The following KIAA1217 variants were observed in gnomAD, a reference collection of about 807,000 sequenced individuals.
The protein encoded by KIAA1217 is sickle tail protein homolog.
In KIAA1217, 88 loss-of-function variants were observed where a neutral mutation model predicts 163.9. The observed-to-expected ratio is 0.54, with a 90% CI of 0.45 to 0.64. KIAA1217 has a LOEUF of 0.64. Ranked by LOEUF, KIAA1217 falls within the 30% of genes least tolerant of loss-of-function variation. KIAA1217 has a pLI of 0.00. For synonymous variants in KIAA1217, 903 were observed against 923.1 expected (o/e 0.98, Z 0.39); for missense variants, 2,372 against 2,475.0 (o/e 0.96, Z 0.88).
rs559873631 is a variant in KIAA1217, at chr10:23,725,451, C to T, written c.-321+30217C>T. On this transcript the variant is annotated intron_variant, in intron 1 of 18. Transcript: ENST00000376462. ...ACCTATGTCTTGAATTATACTTCCC[C>T]CATCCTTTACAGGCTGTGATGTGGG... Among the ~76,000 whole-genome samples, 251 of 152,268 alleles carry T rather than the reference C, an allele frequency of 1.6e-3. 2 individuals carry two copies. The highest frequency in any genetic ancestry group is 5.5e-3 in the African/African-American group (228 of 41,570).
At chr10:24,361,990 A>G (rs923576794) in intron 2 of KIAA1217, among the ~76,000 whole-genome samples, 10 of 150,772 alleles carry the variant, frequency 6.6e-5, no homozygotes, top group Non-Finnish European at 1.5e-4. Context: ...CTCAAAAAAA[A>G]AAAAAAAAAA....
intron 2 of KIAA1217, among the ~76,000 whole-genome samples, chr10:24,065,445 GA>G (rs1392794692): frequency 1.3e-5 from 2 of 152,094 alleles, no homozygotes; most frequent in African/African-American, 4.8e-5. Context: ...CCATGTAGTT[GA>G]GCGGTTTTGA....
chr10:23,915,543 T>C (rs1301784188), intron 1 of KIAA1217, among the ~76,000 whole-genome samples: 2 of 152,180 alleles, frequency 1.3e-5, no homozygotes, highest in African/African-American at 4.8e-5. Context: ...TTCCTTAATT[T>C]GGGCTGATAC....
chr10:23,784,677 T>C (rs906206450), intron 1 of KIAA1217, among the ~76,000 whole-genome samples: 5 of 152,222 alleles, frequency 3.3e-5, no homozygotes, highest in African/African-American at 1.2e-4. Flanking sequence ...CTTATAGTTA[T>C]AACTGTCTAT....
chr10:23,711,056 G>C (rs1837221275), intron 1 of KIAA1217, among the ~76,000 whole-genome samples: 1 of 152,134 alleles, frequency 6.6e-6, no homozygotes, highest in African/African-American at 2.4e-5. Context: ...ATCTAGATGT[G>C]AGCACCACAA....
chr10:24,178,844 G>A (rs2066034118), intron 2 of KIAA1217, among the ~76,000 whole-genome samples: 1 of 152,026 alleles, frequency 6.6e-6, no homozygotes, highest in African/African-American at 2.4e-5. Context: ...TTTTTTTAAT[G>A]TTTCAGGGAA....
At chr10:24,343,759 T>G (rs900745435) in intron 2 of KIAA1217, among the ~76,000 whole-genome samples, 1 of 152,246 alleles carries the variant, frequency 6.6e-6, no homozygotes, top group African/African-American at 2.4e-5. Flanking sequence ...CAGTTTATTT[T>G]GAGGCAAGGA....
At chr10:24,135,802 A>G (rs1297018446) in intron 2 of KIAA1217, among the ~76,000 whole-genome samples, 1 of 152,154 alleles carries the variant, frequency 6.6e-6, no homozygotes, top group Non-Finnish European at 1.5e-5. Context: ...TCCGTGTATC[A>G]AATAGGTTCT....
At chr10:23,964,686 G>T (rs1844980959) in intron 1 of KIAA1217, among the ~76,000 whole-genome samples, 1 of 152,056 alleles carries the variant, frequency 6.6e-6, no homozygotes, top group Admixed American at 6.5e-5. Flanking sequence ...CTCCCGAGTA[G>T]CTGGGGCTTC....
intron 1 of KIAA1217, among the ~76,000 whole-genome samples, chr10:23,971,171 C>T (rs957204411): frequency 9.9e-5 from 15 of 152,204 alleles, no homozygotes; most frequent in South Asian, 2.1e-4. Flanking sequence ...GGAGGGGCCG[C>T]GTGCACAGTG....
At chr10:24,153,751 G>A (rs2064735785) in intron 2 of KIAA1217, among the ~76,000 whole-genome samples, 1 of 152,092 alleles carries the variant, frequency 6.6e-6, no homozygotes, top group South Asian at 2.1e-4. Context: ...TGTCACTCCT[G>A]GGCCAGTGAC....
rs533099881 is a variant in KIAA1217, at chr10:23,790,229, A to G, written c.-321+94995A>G. The stretch of plus-strand genomic sequence containing the variant: ...TACACATATACACATATGCATATGC[A>G]CATATGCATATGCACATATGCATAT... On this transcript the variant is annotated intron_variant, in intron 1 of 18. Coordinates refer to the KIAA1217 transcript ENST00000376462. Among the ~76,000 whole-genome samples the G allele has an allele frequency of 3.9e-4, 44 of 113,230 alleles. 9 individuals are homozygous for G. Among genetic ancestry groups the G allele is most frequent in the Non-Finnish European group, 4.7e-4 (27 of 57,818 alleles). The allele number at this position is 113,230 out of a possible 152,430, so 74.3% of individuals were successfully genotyped here.
chr10:23,702,618 T>A (rs2130706987), intron 1 of KIAA1217, among the ~76,000 whole-genome samples: 1 of 151,274 alleles, frequency 6.6e-6, no homozygotes, highest in South Asian at 2.1e-4. Context: ...TTTTTGTAAG[T>A]AATCTCTTCC....
At chr10:23,881,512 A>G (rs1840947473) in intron 1 of KIAA1217, among the ~76,000 whole-genome samples, 1 of 151,960 alleles carries the variant, frequency 6.6e-6, no homozygotes, top group South Asian at 2.1e-4. Flanking sequence ...TTTGTAAATC[A>G]CTTTAATTGT....
intron 1 of KIAA1217, among the ~76,000 whole-genome samples, chr10:23,754,188 CATACATTGTT>C (rs1833799274): frequency 6.6e-6 from 1 of 152,206 alleles, no homozygotes; most frequent in Non-Finnish European, 1.5e-5. Context: ...GTTAAACATT[CATACATTGTT>C]AAACAAATGT....
At chr10:23,870,584 G>GT (rs1291974457) in intron 1 of KIAA1217, among the ~76,000 whole-genome samples, 1 of 152,064 alleles carries the variant, frequency 6.6e-6, no homozygotes, top group Non-Finnish European at 1.5e-5. Context: ...CTTATTTACT[G>GT]TTTATTCTGT....
In KIAA1217 at chr10:24,411,551, C is replaced by A. The variant is rs191953247; in HGVS notation, c.554-21444C>A. 2.7e-3 allele frequency among the ~76,000 whole-genome samples: 409 copies of A among 152,248 alleles called. 2 individuals are homozygous for A. The highest frequency in any genetic ancestry group is 8.3e-3 in the African/African-American group (343 of 41,526). Reference sequence around the variant, plus strand: ...ACTTACAGGATATACTTGGTGAATTCTTTCACATATTAACATTACTCTCTG... The same window carrying A: ...ACTTACAGGATATACTTGGTGAATTATTTCACATATTAACATTACTCTCTG... On this transcript the variant is annotated intron_variant, in intron 3 of 20. Transcript: ENST00000376454.
intron 2 of KIAA1217, chr10:24,368,894 C>T (rs1449599057): frequency 2.1e-6 from 2 of 975,376 alleles, no homozygotes; most frequent in Admixed American, 6.2e-5. Context: ...CAATTGCTGT[C>T]CCATGCAACA....
intron 1 of KIAA1217, among the ~76,000 whole-genome samples, chr10:24,218,528 T>G (rs539432286): frequency 1.3e-5 from 2 of 151,608 alleles, no homozygotes; most frequent in Non-Finnish European, 2.9e-5. Context: ...TTGCTCTGTC[T>G]CCCAGGCTGG....
Sources: allele counts gnomAD v4.1 joint callset (sites outside exome capture counted in the v4.1 genomes callset), GRCh38; gene constraint gnomAD v4.1.1; transcripts MANE v1.5; gene names NCBI Gene and HGNC (gene_info 2026-07-23, HGNC 2026-07-21).